The following HOOK2 variants were observed in gnomAD, a reference collection of about 807,000 sequenced individuals.
The protein encoded by HOOK2 is hook microtubule tethering protein 2.
HOOK2 carries 108 observed loss-of-function variants against 111.9 expected under a neutral mutation model. The ratio of observed to expected loss-of-function variants is 0.96; its 90% CI spans 0.83 to 1.13. The LOEUF is 1.13. Ranked by LOEUF, HOOK2 falls within the 50% of genes most tolerant of loss-of-function variation. The probability of loss-of-function intolerance (pLI) is 0.00; values close to 1 mark genes in which losing one functional copy is unlikely to be tolerated. For missense variants in HOOK2, 978 were observed against 951.3 expected, an observed-to-expected ratio of 1.03 and a Z score of -0.37; for synonymous variants, 405 against 394.3, an observed-to-expected ratio of 1.03 and a Z score of -0.32.
At chr19:12,778,579 C>G (rs1968566157), upstream of HOOK2, 1 of 152,190 alleles carries the variant, frequency 6.6e-6, no homozygotes, top group Admixed American at 6.5e-5. Flanking sequence ...AGGGCCACCC[C>G]GTTCCCAGGT....
At chr19:12,783,258 A>C (rs1341726525), upstream of HOOK2, among the ~76,000 whole-genome samples, 2 of 149,922 alleles carry the variant, frequency 1.3e-5, no homozygotes, top group Non-Finnish European at 3.0e-5. Context: ...GGCCTCCCCC[A>C]CCAGCGAGCA....
At chr19:12,774,408 G>T (rs1968431657) in intron 3 of HOOK2, 1 of 564,912 alleles carries the variant, frequency 1.8e-6, no homozygotes, top group Non-Finnish European at 3.2e-6. Flanking sequence ...GCCCAGCCTG[G>T]AAGTTAATTT....
chr19:12,779,902 C>T (rs577998704), upstream of HOOK2, among the ~76,000 whole-genome samples: 3 of 152,290 alleles, frequency 2.0e-5, no homozygotes, highest in South Asian at 4.1e-4. Context: ...GTAATCCCAG[C>T]ACTTTGGGAG....
intron 11 of HOOK2, among the ~76,000 whole-genome samples, chr19:12,768,640 A>T (rs547883503): frequency 2.6e-5 from 4 of 152,104 alleles, no homozygotes; most frequent in East Asian, 1.9e-4. Flanking sequence ...AAATTTAAAA[A>T]TTTTTATTTT....
Position 12,792,000 on chromosome 19 carries a change from G to A in HOOK2, n.42-17775C>T. ...CTTTTCTGGTCAGGGCTCGGACACC[G>A]GCGCGTCTCTCAAGCTCGCCTCTTC... On this transcript the variant is annotated intron_variant and non_coding_transcript_variant, in intron 3 of 3. Transcript: ENST00000589765. The surrounding 1 kb of genome is among the most constrained non-coding windows in gnomAD (Gnocchi z 7.0). The A allele has an allele frequency of 6.2e-7, 1 of 1,611,542 alleles. No individual in the cohort carries two copies.
chr19:12,775,333 C>A, intron 1 of HOOK2, 72 bp downstream of exon 1: 2 of 1,571,602 alleles, frequency 1.3e-6, no homozygotes, highest in Non-Finnish European at 1.7e-6. Context: ...AGAGACTGAC[C>A]GAACCAGGGC....
chr19:12,782,048 G>T (rs1299141053), upstream of HOOK2, among the ~76,000 whole-genome samples: 4 of 152,116 alleles, frequency 2.6e-5, no homozygotes, highest in African/African-American at 9.7e-5. Context: ...AGAGACAGGG[G>T]TCTTGCTATG....
chr19:12,765,721 T>C lies in HOOK2; in HGVS notation c.1609A>G (p.Ile537Val), dbSNP rs999176953. Residue 537 changes from isoleucine to valine, a missense_variant, in exon 18 of 23, where the codon ATT becomes GTT. Transcript: ENST00000397668. The part of the protein sequence containing the change: ...QGGKTEDAIS[I>V]LLKRKLEEHL... ...TCCTCCAGCTTCCTTTTCAGCAAAA[T>C]GGACTGGGAGAGAGAAGAGGCAAGG... is the stretch of plus-strand genomic sequence containing the variant. 6.2e-7 allele frequency: 1 copy of C among 1,614,058 alleles called. No homozygotes were observed. The highest frequency in any genetic ancestry group is 1.3e-5 in the African/African-American group (1 of 75,000).
intron 7 of HOOK2, chr19:12,771,899 A>T (rs1968346966): frequency 7.8e-6 from 3 of 385,990 alleles, no homozygotes; most frequent in Non-Finnish European, 9.3e-6. Context: ...AAAAAAAAAA[A>T]GAAAAAGAAA....
At chr19:12,769,326 T>G (rs1206686263) in intron 11 of HOOK2, among the ~76,000 whole-genome samples, 1 of 151,818 alleles carries the variant, frequency 6.6e-6, no homozygotes, top group East Asian at 2.0e-4. Context: ...GGTCTCAAAC[T>G]CCTGGCCTCA....
chr19:12,770,788 G>A (rs1370534446), intron 10 of HOOK2, 144 bp downstream of exon 10: 4 of 984,560 alleles, frequency 4.1e-6, no homozygotes, highest in African/African-American at 1.6e-5. Flanking sequence ...TAGGGCTCAG[G>A]GTGGCACTGT....
upstream of HOOK2, among the ~76,000 whole-genome samples, chr19:12,781,466 A>G (rs1968600969): frequency 6.7e-6 from 1 of 148,650 alleles, no homozygotes; most frequent in Non-Finnish European, 1.5e-5. Flanking sequence ...AGCTGGGACC[A>G]CAGGCGCCCG....
At chr19:12,766,774 G>C (rs550456198) in intron 14 of HOOK2, among the ~76,000 whole-genome samples, 10 of 152,082 alleles carry the variant, frequency 6.6e-5, no homozygotes, top group African/African-American at 2.2e-4. Flanking sequence ...TAGTAGAGAC[G>C]GGGTTTCACC....
upstream of HOOK2, among the ~76,000 whole-genome samples, chr19:12,781,526 G>C (rs12980880): frequency 1.4e-4 from 21 of 151,588 alleles, no homozygotes; most frequent in Admixed American, 2.6e-4. Flanking sequence ...CGGGGTTTCA[G>C]TGTGTTAGCC....
At chr19:12,765,616 GCACATGCCTAAGAAACTCCCCA>G (rs1363827833) in intron 18 of HOOK2, 52 bp downstream of exon 18, 26 of 1,538,166 alleles carry the variant, frequency 1.7e-5, no homozygotes, top group Non-Finnish European at 2.3e-5. Flanking sequence ...AGGCATGGTG[GCACATGCCTAAGAAACTCCCCA>G]CTAATATCAA....
At chr19:12,769,110 C>G (rs959146139) in intron 11 of HOOK2, among the ~76,000 whole-genome samples, 1 of 151,950 alleles carries the variant, frequency 6.6e-6, no homozygotes, top group Non-Finnish European at 1.5e-5. Flanking sequence ...GGACTACAGG[C>G]GCCCACCACC....
chr19:12,776,448 G>T (rs1297625545), upstream of HOOK2, among the ~76,000 whole-genome samples: 1 of 150,630 alleles, frequency 6.6e-6, no homozygotes, highest in African/African-American at 2.4e-5. Flanking sequence ...TTGGGAGGCC[G>T]AGGCGGGCGG....
upstream of HOOK2, among the ~76,000 whole-genome samples, chr19:12,778,672 G>A (rs888650890): frequency 3.3e-5 from 5 of 152,326 alleles, no homozygotes; most frequent in East Asian, 1.9e-4. Flanking sequence ...TAGGGCGGGG[G>A]TCGCAGGGAT....
upstream of HOOK2, among the ~76,000 whole-genome samples, chr19:12,782,885 AC>A (rs377293013): frequency 0.075 from 10,955 of 145,404 alleles, 651 homozygotes; most frequent in African/African-American, 0.16. Context: ...TGGAGCTGAG[AC>A]CCCCCCCCCA....
Sources: allele counts gnomAD v4.1 joint callset (sites outside exome capture counted in the v4.1 genomes callset), GRCh38; gene constraint gnomAD v4.1.1; non-coding constraint Gnocchi (gnomAD v3.1); transcripts MANE v1.5; gene names NCBI Gene and HGNC (gene_info 2026-07-23, HGNC 2026-07-21).